Variants in LAPTM4B observed in about 807,000 individuals in gnomAD.
LAPTM4B encodes the protein lysosomal-associated transmembrane protein 4B.
In LAPTM4B, 26 loss-of-function variants were observed where a neutral mutation model predicts 28.5. The observed-to-expected ratio is 0.91, with a 90% CI of 0.67 to 1.27. LAPTM4B has a LOEUF of 1.27. LAPTM4B is among the 50% of genes most tolerant of loss of function. The pLI is 0.00. For synonymous variants in LAPTM4B, 109 were observed against 106.4 expected, an observed-to-expected ratio of 1.02 and a Z score of -0.15; for missense variants, 288 against 285.8, an observed-to-expected ratio of 1.01 and a Z score of -0.06.
In LAPTM4B at chr8:97,801,143, A is replaced by G. The variant is rs113835490; in HGVS notation, c.100-4210A>G. On this transcript the variant is annotated intron_variant, in intron 1 of 6. Coordinates refer to ENST00000521545, the MANE Select transcript of LAPTM4B (RefSeq NM_018407.6). ...AAAACCCTACCCTGTTATGATAACAATAATGGAGTACATTGCCCTTGTGTG... is the reference window on the plus strand; with the variant it reads ...AAAACCCTACCCTGTTATGATAACAGTAATGGAGTACATTGCCCTTGTGTG... Among the ~76,000 whole-genome samples the G allele has an allele frequency of 2.5e-3, 372 of 151,464 alleles. 1 individual carries two copies. Among genetic ancestry groups the G allele is most frequent in the African/African-American group, 8.4e-3 (345 of 41,272 alleles).
At chr8:97,801,961 T>C (rs573398299) in intron 1 of LAPTM4B, among the ~76,000 whole-genome samples, 1 of 152,216 alleles carries the variant, frequency 6.6e-6, no homozygotes, top group Non-Finnish European at 1.5e-5. Context: ...TGTGGCTCCT[T>C]TAAGCCTTGG....
At position 97,821,524 on chromosome 8, in the gene LAPTM4B, G is replaced by C. The variant is rs201188391; in HGVS notation, c.507+2286G>C. On this transcript the variant is annotated intron_variant, in intron 5 of 6. Coordinates refer to ENST00000521545, the MANE Select transcript of LAPTM4B (RefSeq NM_018407.6). ...TATTGGTAATCAAACAAAGAAGCAG[G>C]TAGTGAGGACGTGTGGATGTAGGGG... Among the ~76,000 whole-genome samples, 52 of 151,940 alleles carry C rather than the reference G, an allele frequency of 3.4e-4. No homozygotes were observed. In the East Asian group the frequency reaches 8.3e-3, roughly 24 times the overall value.
At chr8:97,798,760 A>G (rs1404330504) in intron 1 of LAPTM4B, among the ~76,000 whole-genome samples, 1 of 152,096 alleles carries the variant, frequency 6.6e-6, no homozygotes, top group Non-Finnish European at 1.5e-5. Context: ...GCATGTAAGT[A>G]TCTGACAGCA....
intron 2 of LAPTM4B, among the ~76,000 whole-genome samples, chr8:97,814,981 C>T (rs4735502): frequency 0.45 from 68,695 of 152,018 alleles, 16,003 homozygotes; most frequent in East Asian, 0.58. Context: ...TGTGAGCCAC[C>T]GCACCTGGCC....
At chr8:97,837,988 C>T (rs374982531) in intron 6 of LAPTM4B, among the ~76,000 whole-genome samples, 1 of 152,072 alleles carries the variant, frequency 6.6e-6, no homozygotes, top group African/African-American at 2.4e-5. Context: ...ACAAAAGTGA[C>T]AGGTTGATAT....
intron 5 of LAPTM4B, among the ~76,000 whole-genome samples, chr8:97,824,004 C>T (rs1309846716): frequency 6.6e-6 from 1 of 151,990 alleles, no homozygotes; most frequent in Non-Finnish European, 1.5e-5. Context: ...CTGGCCCCGC[C>T]CCATTATTTT....
intron 1 of LAPTM4B, among the ~76,000 whole-genome samples, chr8:97,784,217 T>C (rs529353223): frequency 6.6e-6 from 1 of 152,308 alleles, no homozygotes; most frequent in South Asian, 2.1e-4. Context: ...TTTCCAACTG[T>C]CAGATTCTGT....
At chr8:97,822,245 G>A (rs1391625993) in intron 5 of LAPTM4B, among the ~76,000 whole-genome samples, 1 of 151,882 alleles carries the variant, frequency 6.6e-6, no homozygotes, top group Non-Finnish European at 1.5e-5. Context: ...TCTTTGAAGG[G>A]TAGACTCCCC....
chr8:97,809,477 A>G (rs1476185653), intron 2 of LAPTM4B, among the ~76,000 whole-genome samples: 1 of 152,142 alleles, frequency 6.6e-6, no homozygotes, highest in Admixed American at 6.5e-5. Flanking sequence ...AAGTGGGTGG[A>G]TTGCTTGAGC....
chr8:97,787,250 T>G (rs1816417742), intron 1 of LAPTM4B, among the ~76,000 whole-genome samples: 1 of 151,768 alleles, frequency 6.6e-6, no homozygotes, highest in South Asian at 2.1e-4. Flanking sequence ...ACAAGACATG[T>G]GACTTAGCTG....
chr8:97,793,283 A>G (rs759899556), intron 1 of LAPTM4B, among the ~76,000 whole-genome samples: 1 of 152,050 alleles, frequency 6.6e-6, no homozygotes, highest in Non-Finnish European at 1.5e-5. Context: ...TTGGCTGTTG[A>G]TGTATGTTTC....
chr8:97,788,438 G>T, intron 1 of LAPTM4B: 1 of 210,766 alleles, frequency 4.7e-6, no homozygotes. Context: ...TAGTAGAGAT[G>T]AGGTTTCACT....
At chr8:97,844,335 G>C (rs58092291) in intron 6 of LAPTM4B, among the ~76,000 whole-genome samples, 4 of 152,016 alleles carry the variant, frequency 2.6e-5, no homozygotes, top group Admixed American at 2.6e-4. Context: ...GGGCTTAAAC[G>C]ATCTGCCTGC....
chr8:97,786,474 C>T (rs565430077), intron 1 of LAPTM4B, among the ~76,000 whole-genome samples: 52 of 151,168 alleles, frequency 3.4e-4, no homozygotes, highest in African/African-American at 1.1e-3. Context: ...GAGGCCGAGG[C>T]GGGCAAATCA....
intron 1 of LAPTM4B, among the ~76,000 whole-genome samples, chr8:97,802,858 C>T (rs1005304253): frequency 1.3e-5 from 2 of 151,798 alleles, no homozygotes; most frequent in African/African-American, 4.8e-5. Context: ...CAATTTTTTT[C>T]GAAAAGCAAT....
intron 1 of LAPTM4B, among the ~76,000 whole-genome samples, chr8:97,781,672 C>G (rs925548910): frequency 6.6e-6 from 1 of 152,194 alleles, no homozygotes; most frequent in South Asian, 2.1e-4. Flanking sequence ...CAGCAAGTTC[C>G]CTTGTGCTGT....
intron 6 of LAPTM4B, among the ~76,000 whole-genome samples, chr8:97,830,304 A>C (rs1014522848): frequency 6.6e-6 from 1 of 152,156 alleles, no homozygotes; most frequent in Non-Finnish European, 1.5e-5. Context: ...AACTTCATCG[A>C]GGTGGAAGAA....
chr8:97,780,620 A>G (rs1323105446), intron 1 of LAPTM4B, among the ~76,000 whole-genome samples: 1 of 152,130 alleles, frequency 6.6e-6, no homozygotes, highest in Admixed American at 6.6e-5. Flanking sequence ...TAATTTTTAC[A>G]TATTCCTGGT....
chr8:97,787,528 T>C (rs1056908380), intron 1 of LAPTM4B, among the ~76,000 whole-genome samples: 24 of 152,128 alleles, frequency 1.6e-4, no homozygotes, highest in Admixed American at 1.2e-3. Context: ...TCATGATCCA[T>C]CCGCCTCGGC....
Sources: gnomAD v4.1 joint callset for allele counts (sites outside exome capture counted in the v4.1 genomes callset) on GRCh38, gnomAD v4.1.1 for gene constraint, MANE v1.5 for transcripts, NCBI Gene and HGNC (gene_info 2026-07-23, HGNC 2026-07-21) for gene names.